Variants in TRAF1 observed in about 807,000 individuals in gnomAD.
TRAF1 encodes TNF receptor associated factor 1.
A neutral mutation model predicts 40.9 loss-of-function variants in TRAF1; 23 were observed. The ratio of observed to expected loss-of-function variants is 0.56; its 90% CI spans 0.40 to 0.80. The LOEUF is 0.80. TRAF1 is among the 30% of genes least tolerant of loss of function. The pLI, the probability that TRAF1 is intolerant of heterozygous loss-of-function variation, is 0.00. For synonymous variants in TRAF1, 206 were observed against 218.8 expected (o/e 0.94, Z 0.52); for missense variants, 477 against 528.7 (o/e 0.90, Z 0.96).
Position 120,911,528 on chromosome 9 carries a change from G to A in TRAF1, c.706-15C>T. ...AGCTCCACCACCTGTAGGGAAGACT[G>A]TTCAGCCAGGAACACCAGAACCCGG... On this transcript the variant is annotated splice_polypyrimidine_tract_variant and intron_variant, in intron 5 of 7. Transcript: ENST00000373887. The A allele has an allele frequency of 6.2e-7, 1 of 1,601,600 alleles. No homozygotes were observed.
intron 2 of TRAF1, 71 bp downstream of exon 2, chr9:120,925,865 C>G: frequency 4.4e-6 from 7 of 1,603,270 alleles, no homozygotes; most frequent in Non-Finnish European, 6.0e-6. Context: ...CTCCTCTGCC[C>G]CTCACCTCCC....
chr9:120,912,750 G>A (rs1372738509), intron 5 of TRAF1, among the ~76,000 whole-genome samples: 1 of 152,232 alleles, frequency 6.6e-6, no homozygotes, highest in African/African-American at 2.4e-5. Flanking sequence ...TGGCCAAGTG[G>A]ATTATCTGGA....
intron 3 of TRAF1, among the ~76,000 whole-genome samples, chr9:120,916,396 A>C (rs2046569817): frequency 6.6e-6 from 1 of 152,190 alleles, no homozygotes; most frequent in Admixed American, 6.5e-5. Flanking sequence ...ATTTATATTC[A>C]TCAAACTGTA....
chr9:120,906,282 C>T (rs1227545512), intron 7 of TRAF1, among the ~76,000 whole-genome samples: 1 of 149,714 alleles, frequency 6.7e-6, no homozygotes, highest in African/African-American at 2.5e-5. Context: ...TGGGTTCAAG[C>T]GATTCTCCTG....
At position 120,914,232 on chromosome 9, in the gene TRAF1, T is replaced by C; in HGVS notation, c.294+3A>G. The C allele has an allele frequency of 6.6e-7, 1 of 1,526,652 alleles. No homozygotes were observed. Among genetic ancestry groups the C allele is most frequent in the Non-Finnish European group, 8.9e-7 (1 of 1,124,404 alleles). The allele number at this position is 1,526,652 out of a possible 1,614,324, so 94.6% of individuals were successfully genotyped here. A position where few individuals can be genotyped will look rare whatever the true frequency, so the allele number is the denominator to read the frequency against. On this transcript the variant is annotated splice_donor_region_variant and intron_variant, in intron 4 of 7. Coordinates refer to ENST00000373887, the MANE Select transcript of TRAF1 (RefSeq NM_005658.5). Reference sequence around the variant, plus strand: ...ATCTCCTTTCTCACACTCAGATGCTTACCTTGAAGGAGCAGCCGACACCTG... The same window carrying C: ...ATCTCCTTTCTCACACTCAGATGCTCACCTTGAAGGAGCAGCCGACACCTG...
rs542703411 is a variant in TRAF1, at chr9:120,913,497, T to C, written c.536A>G (p.Gln179Arg). 1 of 1,614,000 alleles carries C rather than the reference T, an allele frequency of 6.2e-7. No homozygotes were observed. The highest frequency in any genetic ancestry group is 2.2e-5 in the East Asian group (1 of 44,878). ...CAGAAGCTTCTCCTTCATGAAGTGCTGCAGGGCCAGCTCCTCCTGGCTCTC... is the reference window on the plus strand; with the variant it reads ...CAGAAGCTTCTCCTTCATGAAGTGCCGCAGGGCCAGCTCCTCCTGGCTCTC... ...CSESQEELALQHFMKEKLLAE... is the reference protein window; with the variant it reads ...CSESQEELALRHFMKEKLLAE... The change falls in exon 5 of 8, where the codon CAG becomes CGG. Residue 179 changes from glutamine (Q) to arginine (R), a missense_variant. By Grantham distance (43) the Gln-to-Arg change is conservative. Coordinates refer to ENST00000373887, the MANE Select transcript of TRAF1 (RefSeq NM_005658.5).
chr9:120,905,344 C>A, intron 7 of TRAF1, 106 bp from the exon 8 acceptor site: 1 of 1,183,674 alleles, frequency 8.4e-7, no homozygotes, highest in South Asian at 1.4e-5. Flanking sequence ...CCTGTGCAGC[C>A]CCTCAGACCC....
chr9:120,913,329 C>T lies in TRAF1; in HGVS notation c.704G>A (p.Arg235Lys). The T allele has an allele frequency of 6.2e-7, 1 of 1,601,136 alleles. No individual in the cohort carries two copies. The highest frequency in any genetic ancestry group is 8.5e-7 in the Non-Finnish European group (1 of 1,171,378). Residue 235 changes from arginine to lysine, a missense_variant and splice_region_variant, in exon 5 of 8, where the codon AGG (arginine) becomes AAG (lysine). By Grantham distance (26) the Arg-to-Lys change is conservative. Transcript: ENST00000373887. Reference sequence around the variant, plus strand: ...GGCAAACCTGCCTCCCACACTCACCCTCTGCTCCAAGCTCAGGATGCGCTC... The same window carrying T: ...GGCAAACCTGCCTCCCACACTCACCTTCTGCTCCAAGCTCAGGATGCGCTC... ...DRERILSLEQ[R>K]VVELQQTLAQ...
At chr9:120,921,936 C>A (rs1183492585) in intron 3 of TRAF1, among the ~76,000 whole-genome samples, 1 of 152,194 alleles carries the variant, frequency 6.6e-6, no homozygotes, top group Non-Finnish European at 1.5e-5. Context: ...CATCACAGAT[C>A]CTGGAAAGGC....
chr9:120,920,059 G>A (rs1472626180), intron 3 of TRAF1, among the ~76,000 whole-genome samples: 1 of 152,184 alleles, frequency 6.6e-6, no homozygotes, highest in South Asian at 2.1e-4. Flanking sequence ...GATTACAGAT[G>A]AACACTGTCA....
rs1350106558 is a variant in TRAF1, at chr9:120,903,871, C to A, written c.*1149G>T. The A allele has an allele frequency of 6.6e-6, 1 of 152,246 alleles. No individual in the cohort carries two copies. Among genetic ancestry groups the A allele is most frequent in the East Asian group, 1.9e-4 (1 of 5,188 alleles). 9.4% of individuals were successfully genotyped at this position (152,246 alleles called of 1,614,324 possible). On this transcript the variant is annotated 3_prime_UTR_variant, in exon 8 of 8. Transcript: ENST00000373887. ...GCATGCCAGCCTCTGATGCCACCTG[C>A]AAAACTGGTGGCACCACCTCAAACT... is the stretch of plus-strand genomic sequence containing the variant.
At position 120,913,378 on chromosome 9, in the gene TRAF1, T is replaced by A. The variant is rs1222721488; in HGVS notation, c.655A>T (p.Ile219Phe). 6.2e-7 allele frequency: 1 copy of A among 1,613,728 alleles called. No individual in the cohort carries two copies. Among genetic ancestry groups the A allele is most frequent in the Non-Finnish European group, 8.5e-7 (1 of 1,179,942 alleles). Residue 219 changes from isoleucine (I) to phenylalanine (F), a missense_variant, in exon 5 of 8, where the codon ATC (isoleucine) becomes TTC (phenylalanine). Ile to Phe is a conservative substitution (Grantham distance 21). Transcript: ENST00000373887. ...EASHLALATSIHQSQLDRERI... is the reference protein window; with the variant it reads ...EASHLALATSFHQSQLDRERI... ...TCACGGTCCAGCTGGCTCTGGTGGA[T>A]AGAGGTGGCCAGGGCCAGGTGGGAG...
rs375850583 is a variant in TRAF1, at chr9:120,923,827, A to T, written c.141-35T>A. 3.8e-6 allele frequency: 6 copies of T among 1,588,502 alleles called. No homozygotes were observed. In the African/African-American group the frequency reaches 8.1e-5, roughly 21 times the overall value. On this transcript the variant is annotated intron_variant, in intron 2 of 7. Coordinates refer to ENST00000373887, the MANE Select transcript of TRAF1 (RefSeq NM_005658.5). ...CATGGACAAAGCCTTGGAGAGAGGC[A>T]CTACAGCTCCCTGCACCATCCACTC...
At chr9:120,924,872 T>TCTAC (rs1398892950) in intron 2 of TRAF1, among the ~76,000 whole-genome samples, 1 of 152,224 alleles carries the variant, frequency 6.6e-6, no homozygotes, top group Non-Finnish European at 1.5e-5. Flanking sequence ...CTTCAGGACT[T>TCTAC]AGGCCTCAGG....
intron 6 of TRAF1, among the ~76,000 whole-genome samples, chr9:120,909,607 C>T (rs1055872834): frequency 6.6e-6 from 1 of 152,230 alleles, no homozygotes; most frequent in Non-Finnish European, 1.5e-5. Context: ...GGGCCCCACC[C>T]TCAGAGTTTC....
chr9:120,916,771 C>T (rs1471862248), intron 3 of TRAF1, among the ~76,000 whole-genome samples: 1 of 149,322 alleles, frequency 6.7e-6, no homozygotes, highest in Admixed American at 6.8e-5. Context: ...GGAAGGCAGG[C>T]AGAGGGCGGC....
At chr9:120,907,086 T>A (rs2046488904) in intron 7 of TRAF1, among the ~76,000 whole-genome samples, 1 of 152,198 alleles carries the variant, frequency 6.6e-6, no homozygotes, top group Non-Finnish European at 1.5e-5. Flanking sequence ...GGCCTCGAAC[T>A]CCTGGGCTCA....
At chr9:120,925,650 G>C (rs966514017) in intron 2 of TRAF1, among the ~76,000 whole-genome samples, 1 of 152,236 alleles carries the variant, frequency 6.6e-6, no homozygotes, top group Non-Finnish European at 1.5e-5. Context: ...AGGGACATTA[G>C]CAGAGCACCA....
In TRAF1 at chr9:120,911,424, G is replaced by A. The variant is rs144085982; in HGVS notation, c.795C>T (p.Phe265=). The part of the protein sequence containing the change: ...QSLRLMEEAS[F]DGTFLWKITN... ...TGATCTTCCACAGGAAAGTGCCATC[G>A]AAGGAGGCCTCCTCCATGAGGCGCA... Residue 265 remains phenylalanine (F), a synonymous_variant, in exon 6 of 8, where the codon TTC becomes TTT. Coordinates refer to ENST00000373887, the MANE Select transcript of TRAF1 (RefSeq NM_005658.5). 591 of 1,613,670 alleles carry A rather than the reference G, an allele frequency of 3.7e-4. 2 individuals are homozygous for A. The African/African-American group carries it at 7.2e-3, about 20-fold the overall frequency.
Sources: gnomAD v4.1 joint callset for allele counts (sites outside exome capture counted in the v4.1 genomes callset) on GRCh38, gnomAD v4.1.1 for gene constraint, MANE v1.5 for transcripts, NCBI Gene and HGNC (gene_info 2026-07-23, HGNC 2026-07-21) for gene names.